The following AKAP13 variants were observed in gnomAD, a reference collection of about 807,000 sequenced individuals.
The protein encoded by AKAP13 is A-kinase anchoring protein 13.
Under a neutral mutation model 264.5 loss-of-function variants are expected in AKAP13, and 80 were observed. The ratio of observed to expected loss-of-function variants is 0.30; its 90% confidence interval spans 0.25 to 0.36. The LOEUF is 0.36. Among genes scored for constraint, AKAP13 ranks in the 10% least tolerant of loss-of-function variants. The pLI, the probability that AKAP13 is intolerant of heterozygous loss-of-function variation, is 1.00. For missense variants in AKAP13, 3,712 were observed against 3,435.2 expected, an observed-to-expected ratio of 1.08 and a Z score of -2.01; for synonymous variants, 1,380 against 1,250.2, an observed-to-expected ratio of 1.10 and a Z score of -2.19.
chr15:85,597,679 A>C (rs558176588), intron 8 of AKAP13, among the ~76,000 whole-genome samples: 1 of 152,182 alleles, frequency 6.6e-6, no homozygotes, highest in Non-Finnish European at 1.5e-5. Flanking sequence ...TGGCTGGGCC[A>C]TGGGCAGATC....
chr15:85,383,769 C>G (rs2070412063), intron 1 of AKAP13, among the ~76,000 whole-genome samples: 1 of 152,170 alleles, frequency 6.6e-6, no homozygotes, highest in African/African-American at 2.4e-5. Flanking sequence ...GGATTGTTTT[C>G]AGTACATCAG....
chr15:85,699,366 C>T (rs554482660), intron 17 of AKAP13, among the ~76,000 whole-genome samples: 60 of 152,134 alleles, frequency 3.9e-4, no homozygotes, highest in African/African-American at 1.1e-3. Flanking sequence ...ATCACTTGAA[C>T]CCAGGAGGCA....
At chr15:85,670,464 A>G (rs947589961) in intron 14 of AKAP13, among the ~76,000 whole-genome samples, 14 of 150,806 alleles carry the variant, frequency 9.3e-5, no homozygotes, top group African/African-American at 3.4e-4. Flanking sequence ...GTACTGTATT[A>G]CAGTAGTCTA....
At chr15:85,461,653 T>C (rs1282839692) in intron 1 of AKAP13, among the ~76,000 whole-genome samples, 1 of 152,060 alleles carries the variant, frequency 6.6e-6, no homozygotes. Context: ...GGAAGTCTCT[T>C]TCCTTCTTGT....
At chr15:85,434,309 C>G (rs1225945172) in intron 1 of AKAP13, among the ~76,000 whole-genome samples, 2 of 152,202 alleles carry the variant, frequency 1.3e-5, no homozygotes, top group Non-Finnish European at 2.9e-5. Context: ...ACACCTGGCT[C>G]GGAGGGTCCT....
In AKAP13 at chr15:85,744,738, G is replaced by A; in HGVS notation, c.*61G>A. On this transcript the variant is annotated 3_prime_UTR_variant, in exon 37 of 37. Coordinates refer to ENST00000394518, the MANE Select transcript of AKAP13 (RefSeq NM_007200.5). The stretch of plus-strand genomic sequence containing the variant: ...TCCTGGCCAGCCCACCTCTCCTGCT[G>A]TCCCCGCGTGCACAAGTCTCTTACA... 1.4e-6 allele frequency: 2 copies of A among 1,479,354 alleles called. No individual in the cohort carries two copies. Among genetic ancestry groups the A allele is most frequent in the Non-Finnish European group, 1.8e-6 (2 of 1,095,108 alleles). The allele number at this position is 1,479,354 out of a possible 1,614,324, so 91.6% of individuals were successfully genotyped here. A position where few individuals can be genotyped will look rare whatever the true frequency, so the allele number is the denominator to read the frequency against.
At chr15:85,605,207 G>A (rs11633893) in intron 8 of AKAP13, among the ~76,000 whole-genome samples, 30,878 of 152,106 alleles carry the variant, frequency 0.2, 4,156 homozygotes, top group Middle Eastern at 0.41. Flanking sequence ...ACTTCGTCTC[G>A]AATAATTTAC....
At chr15:85,622,984 A>G (rs1275541648) in intron 8 of AKAP13, among the ~76,000 whole-genome samples, 1 of 152,224 alleles carries the variant, frequency 6.6e-6, no homozygotes, top group East Asian at 1.9e-4. Context: ...ACACCATGTC[A>G]TATAAGTTCA....
At chr15:85,626,493 A>G (rs62022865) in intron 8 of AKAP13, among the ~76,000 whole-genome samples, 2 of 152,188 alleles carry the variant, frequency 1.3e-5, no homozygotes, top group Non-Finnish European at 2.9e-5. Flanking sequence ...GTGGAGTCAT[A>G]CAACATTTGT....
chr15:85,479,462 A>G (rs1409018172), intron 1 of AKAP13, among the ~76,000 whole-genome samples: 2 of 152,210 alleles, frequency 1.3e-5, no homozygotes, highest in Non-Finnish European at 2.9e-5. Context: ...CATTTGAAGC[A>G]CATTGTGCCA....
At chr15:85,539,101 G>T (rs1567113480) in intron 4 of AKAP13, among the ~76,000 whole-genome samples, 2 of 151,652 alleles carry the variant, frequency 1.3e-5, no homozygotes, top group Non-Finnish European at 2.9e-5. Flanking sequence ...AAAGTGCTGG[G>T]TTACAGGCAT....
chr15:85,581,982 C>T lies in AKAP13; in HGVS notation c.3914C>T (p.Pro1305Leu). ...ACAGAAAAAGTGAGTACTTTCCCAC[C>T]TGGGGAGAGCCTACCAATGGGCAGT... ...AFTEKVSTFP[P>L]GESLPMGSTP... Residue 1305 changes from proline (P) to leucine (L), a missense_variant, in exon 7 of 37, where the codon CCT becomes CTT. Physicochemically the swap from Pro to Leu is moderately conservative, Grantham distance 98. Around this residue, in one of 3 missense-constraint regions of AKAP13, gnomAD observed 2,759 missense variants for 2,411.7 expected, o/e 1.14. Coordinates refer to ENST00000394518, the MANE Select transcript of AKAP13 (RefSeq NM_007200.5). 1 of 1,614,132 alleles carries T rather than the reference C, an allele frequency of 6.2e-7. No individual in the cohort carries two copies.
chr15:85,383,043 C>T (rs1166035285), intron 1 of AKAP13, among the ~76,000 whole-genome samples: 1 of 151,940 alleles, frequency 6.6e-6, no homozygotes, highest in Admixed American at 6.6e-5. Flanking sequence ...AGAAATCAGC[C>T]CCCCCCTTTT....
intron 1 of AKAP13, among the ~76,000 whole-genome samples, chr15:85,412,976 G>T (rs2072054777): frequency 6.6e-6 from 1 of 152,106 alleles, no homozygotes; most frequent in Non-Finnish European, 1.5e-5. Context: ...CAAGTAATTG[G>T]CCCAAGCTTA....
chr15:85,744,492 C>G, intron 36 of AKAP13, 136 bp from the exon 37 acceptor site: 2 of 892,708 alleles, frequency 2.2e-6, no homozygotes, highest in East Asian at 4.9e-5. Flanking sequence ...TCAGAAACCC[C>G]GGTGCGCAGA....
At position 85,582,929 on chromosome 15, in the gene AKAP13, A is replaced by G. The variant is rs1338754158; in HGVS notation, c.4039+822A>G. 6 of 985,304 alleles carry G rather than the reference A, an allele frequency of 6.1e-6. No homozygotes were observed. In the East Asian group the frequency reaches 5.7e-4, roughly 93 times the overall value. The allele number at this position is 985,304 out of a possible 1,614,324, so 61.0% of individuals were successfully genotyped here. On this transcript the variant is annotated intron_variant, in intron 7 of 36. Coordinates refer to ENST00000394518, the MANE Select transcript of AKAP13 (RefSeq NM_007200.5). Reference sequence around the variant, plus strand: ...GATTGCTCACACAGCAGCCTGTTCCATCTGTGGGTAACCATGTTCCGAGGC... The same window carrying G: ...GATTGCTCACACAGCAGCCTGTTCCGTCTGTGGGTAACCATGTTCCGAGGC...
chr15:85,711,616 C>T (rs1479489917), intron 19 of AKAP13, among the ~76,000 whole-genome samples: 1 of 152,172 alleles, frequency 6.6e-6, no homozygotes, highest in Admixed American at 6.5e-5. Context: ...TAAAGTTCCC[C>T]TAGAGACAGA....
rs200112313 is a variant in AKAP13 at position 85,543,881 on chromosome 15, C to G, written c.588C>G (p.His196Gln). 4.4e-5 allele frequency: 71 copies of G among 1,614,024 alleles called. No homozygotes were observed. Among genetic ancestry groups the G allele is most frequent in the Non-Finnish European group, 5.9e-5 (70 of 1,180,020 alleles). The change falls in exon 5 of 37, where the codon CAC becomes CAG. Residue 196 changes from histidine (H) to glutamine (Q), a missense_variant. His to Gln is a conservative substitution (Grantham distance 24). Transcript: ENST00000394518. The part of the protein sequence containing the change: ...KPGGRGALSI[H>Q]NQEGATPVSL... The stretch of plus-strand genomic sequence containing the variant: ...GTGGCCGCGGAGCTCTCAGTATCCA[C>G]AACCAGGAAGGGGCGACGCCTGTGA...
At chr15:85,735,474 A>G (rs2088390741) in intron 31 of AKAP13, 86 bp from the exon 32 acceptor site, 1 of 1,396,498 alleles carries the variant, frequency 7.2e-7, no homozygotes, top group African/African-American at 1.4e-5. Context: ...GACATACTAC[A>G]TCCCCAAGAT....
Sources: allele counts gnomAD v4.1 joint callset (sites outside exome capture counted in the v4.1 genomes callset), GRCh38; gene constraint gnomAD v4.1.1; regional missense constraint gnomAD v4.1.1; transcripts MANE v1.5; gene names NCBI Gene and HGNC (gene_info 2026-07-23, HGNC 2026-07-21).